The following SLC66A2 variants were observed in gnomAD, a reference collection of about 807,000 sequenced individuals.
SLC66A2 encodes PQ loop repeat containing 1.
SLC66A2 carries 23 observed loss-of-function variants against 25.5 expected under a neutral mutation model. The ratio of observed to expected loss-of-function variants is 0.90; its 90% CI spans 0.65 to 1.28. The LOEUF (loss-of-function observed/expected upper bound fraction) is 1.28, where lower values mean the gene tolerates loss of function less well. Among genes scored for constraint, SLC66A2 ranks in the 50% most tolerant of loss-of-function variants. SLC66A2 has a pLI of 0.00. For missense variants in SLC66A2, 396 were observed against 373.1 expected (o/e 1.06, Z -0.51); for synonymous variants, 193 against 166.5 (o/e 1.16, Z -1.23).
intron 2 of SLC66A2, among the ~76,000 whole-genome samples, chr18:79,948,937 C>G (rs1388388646): frequency 6.6e-6 from 1 of 152,198 alleles, no homozygotes; most frequent in Non-Finnish European, 1.5e-5. Flanking sequence ...CTTACGCTCA[C>G]TGAGGCCACT....
chr18:79,950,427 C>T (rs1004457330), intron 2 of SLC66A2, among the ~76,000 whole-genome samples: 6 of 152,236 alleles, frequency 3.9e-5, no homozygotes, highest in African/African-American at 1.4e-4. Flanking sequence ...ACAGGCAGGC[C>T]TAGGCCAGTG....
intron 4 of SLC66A2, among the ~76,000 whole-genome samples, chr18:79,922,013 A>G (rs1985296502): frequency 6.7e-6 from 1 of 148,496 alleles, no homozygotes; most frequent in African/African-American, 2.6e-5. Flanking sequence ...AGAGACGGGA[A>G]CTTGGGAGCA....
At chr18:79,911,579 C>G (rs1472640317) in intron 5 of SLC66A2, among the ~76,000 whole-genome samples, 1 of 152,244 alleles carries the variant, frequency 6.6e-6, no homozygotes, top group South Asian at 2.1e-4. Flanking sequence ...CAGCTGCAGG[C>G]ACGGAGCCAT....
intron 3 of SLC66A2, among the ~76,000 whole-genome samples, chr18:79,934,520 G>A (rs1024146742): frequency 2.0e-5 from 3 of 152,290 alleles, no homozygotes; most frequent in East Asian, 1.9e-4. Flanking sequence ...AGCTGGTTCC[G>A]CACATGCACT....
In SLC66A2 at chr18:79,937,075, T is replaced by C. The variant is rs543201690; in HGVS notation, c.338-3053A>G. Among the ~76,000 whole-genome samples the C allele has an allele frequency of 2.6e-4, 39 of 152,200 alleles. No homozygotes were observed. Among genetic ancestry groups the C allele is most frequent in the African/African-American group, 9.4e-4 (39 of 41,502 alleles). ...TCAAATGGAAAGAATTGGTGTCCAC[T>C]CATGAAGTATTTCACCTCACCAAAA... On this transcript the variant is annotated intron_variant, in intron 3 of 5. Transcript: ENST00000397778. The surrounding 1 kb of genome is among the most constrained non-coding windows in gnomAD (Gnocchi z 5.4).
At chr18:79,908,257 T>C (rs927993321) in intron 5 of SLC66A2, among the ~76,000 whole-genome samples, 2 of 152,200 alleles carry the variant, frequency 1.3e-5, no homozygotes, top group African/African-American at 4.8e-5. Flanking sequence ...CTGCTGCCCA[T>C]GACTTCGCTT....
chr18:79,945,438 G>T (rs1488193408), intron 2 of SLC66A2, among the ~76,000 whole-genome samples: 3 of 152,102 alleles, frequency 2.0e-5, no homozygotes, highest in Admixed American at 6.5e-5. Flanking sequence ...GTGGACAGGG[G>T]CCAGGCAGGC....
At chr18:79,942,120 C>T (rs115061995) in intron 3 of SLC66A2, among the ~76,000 whole-genome samples, 356 of 152,340 alleles carry the variant, frequency 2.3e-3, no homozygotes, top group African/African-American at 8.1e-3. Flanking sequence ...GCTCCTCATG[C>T]GGGGAATCCG....
intron 4 of SLC66A2, among the ~76,000 whole-genome samples, chr18:79,923,248 G>C (rs1213027403): frequency 1.5e-5 from 2 of 136,396 alleles, no homozygotes; most frequent in African/African-American, 5.4e-5. Flanking sequence ...GGCCGTGGAC[G>C]GGTGGGTGGA....
intron 5 of SLC66A2, among the ~76,000 whole-genome samples, chr18:79,913,587 C>CTG (rs755580323): frequency 5.8e-4 from 89 of 152,292 alleles, no homozygotes; most frequent in Non-Finnish European, 1.0e-3. Flanking sequence ...GTGTGCATCG[C>CTG]TGTGTGTGTG....
rs558525317 is a variant in SLC66A2, at chr18:79,909,867, C to G, written c.609-5684G>C. Among the ~76,000 whole-genome samples the G allele has an allele frequency of 5.7e-4, 81 of 142,100 alleles. 2 individuals are homozygous for G. The highest frequency in any genetic ancestry group is 2.0e-3 in the African/African-American group (76 of 37,438). 93.2% of individuals were successfully genotyped at this position (142,100 alleles called of 152,430 possible). ...GTCCCCAGGCTTCCCCACCATCTCA[C>G]CACAGAGTCCCCAACCTTCCCCACA... On this transcript the variant is annotated intron_variant, in intron 5 of 5. Transcript: ENST00000397778.
chr18:79,934,700 C>T (rs913022970), intron 3 of SLC66A2, among the ~76,000 whole-genome samples: 5 of 152,178 alleles, frequency 3.3e-5, no homozygotes, highest in Non-Finnish European at 7.3e-5. Flanking sequence ...CTCTAGGTGG[C>T]TCCTGGGAAG....
At chr18:79,922,907 C>T (rs116413360) in intron 4 of SLC66A2, among the ~76,000 whole-genome samples, 3,259 of 149,470 alleles carry the variant, frequency 0.022, 139 homozygotes, top group African/African-American at 0.077. Context: ...TGTCGGGGGC[C>T]GGCTGCCTGT....
intron 5 of SLC66A2, among the ~76,000 whole-genome samples, chr18:79,909,765 C>G (rs1568292683): frequency 7.0e-6 from 1 of 142,684 alleles, no homozygotes. Flanking sequence ...CAACCTTCCC[C>G]ACATCCTCAC....
intron 4 of SLC66A2, 27 bp downstream of exon 4, chr18:79,933,941 GC>G: frequency 6.2e-7 from 1 of 1,600,770 alleles, no homozygotes; most frequent in Non-Finnish European, 8.5e-7. Flanking sequence ...GGAACGTGCT[GC>G]GGACAGTGCA....
rs1315334966 is a variant in SLC66A2, at chr18:79,927,639, C to T, written c.391+6330G>A. On this transcript the variant is annotated intron_variant, in intron 4 of 5. Transcript: ENST00000397778. This position sits in a 1 kb window ranked among gnomAD's most constrained non-coding sequence, Gnocchi z 6.2. Reference sequence around the variant, plus strand: ...GACGCAGAGAGACCCACATCAGAGACCCTCGGGGAGTGACAGAGCCCCCGC... The same window carrying T: ...GACGCAGAGAGACCCACATCAGAGATCCTCGGGGAGTGACAGAGCCCCCGC... Among the ~76,000 whole-genome samples the T allele has an allele frequency of 6.6e-6, 1 of 152,120 alleles. No individual in the cohort carries two copies. The highest frequency in any genetic ancestry group is 1.5e-5 in the Non-Finnish European group (1 of 68,004).
rs139356651 is a variant in SLC66A2 at position 79,950,779 on chromosome 18, A to C, written c.148T>G (p.Ser50Ala). 1.2e-6 allele frequency: 2 copies of C among 1,613,102 alleles called. No individual in the cohort carries two copies. The highest frequency in any genetic ancestry group is 1.7e-6 in the Non-Finnish European group (2 of 1,179,994). The stretch of plus-strand genomic sequence containing the variant: ...AGCAGCACCAGGCACACGTAGGTGG[A>C]GAAGCCGTCGGCGTTCTGCGTCCTG... ...IRRTQNADGF[S>A]TYVCLVLLVA... Residue 50 changes from serine (S) to alanine (A), a missense_variant, in exon 2 of 6, where the codon TCC (serine) becomes GCC (alanine). Coordinates refer to ENST00000397778, the MANE Select transcript of SLC66A2 (RefSeq NM_025078.5).
At chr18:79,915,804 C>G (rs1205193802) in intron 5 of SLC66A2, 2 of 152,490 alleles carry the variant, frequency 1.3e-5, no homozygotes, top group African/African-American at 4.8e-5. Flanking sequence ...CCTGGGATCC[C>G]TGAGACACGT....
In SLC66A2 at chr18:79,927,741, G is replaced by A. The variant is rs185688514; in HGVS notation, c.391+6228C>T. ...CCAGAGTGGGAGGGCCAGCCGTGCC[G>A]GCTTCCAAAGAGGACCCCGGGAAAC... On this transcript the variant is annotated intron_variant, in intron 4 of 5. Transcript: ENST00000397778. The surrounding 1 kb of genome is among the most constrained non-coding windows in gnomAD (Gnocchi z 6.2). Among the ~76,000 whole-genome samples the A allele has an allele frequency of 6.8e-4, 103 of 152,254 alleles. 1 individual carries two copies. The highest frequency in any genetic ancestry group is 9.6e-4 in the African/African-American group (40 of 41,548).
Sources: gnomAD v4.1 joint callset for allele counts (sites outside exome capture counted in the v4.1 genomes callset) on GRCh38, gnomAD v4.1.1 for gene constraint, Gnocchi (gnomAD v3.1) non-coding constraint, MANE v1.5 for transcripts, NCBI Gene and HGNC (gene_info 2026-07-23, HGNC 2026-07-21) for gene names.